The following KHSRP variants were observed in gnomAD, a reference collection of about 807,000 sequenced individuals.
KHSRP encodes KH-type splicing regulatory protein, also known as far upstream element-binding protein 2.
In KHSRP, 13 loss-of-function variants were observed where a neutral mutation model predicts 94.9. That is an observed-to-expected ratio of 0.14 (90% confidence interval 0.09 to 0.22). The LOEUF (loss-of-function observed/expected upper bound fraction) is 0.22. KHSRP is among the 10% of genes least tolerant of loss of function. The probability of loss-of-function intolerance (pLI) is 1.00; values close to 1 mark genes in which losing one functional copy is unlikely to be tolerated. For synonymous variants in KHSRP, 495 were observed against 401.4 expected, an observed-to-expected ratio of 1.23 and a Z score of -2.79; for missense variants, 710 against 1,010.0, an observed-to-expected ratio of 0.70 and a Z score of 4.03.
At chr19:6,416,197 C>A in intron 15 of KHSRP, 101 bp downstream of exon 15, 1 of 964,780 alleles carries the variant, frequency 1.0e-6, no homozygotes, top group Non-Finnish European at 1.5e-6. Context: ...GGATGAGGCC[C>A]CCCGCCTGCA....
intron 12 of KHSRP, 37 bp downstream of exon 12, chr19:6,416,950 G>GT: frequency 1.9e-6 from 3 of 1,613,368 alleles, no homozygotes; most frequent in Non-Finnish European, 2.5e-6. Context: ...CTCCCCTGGA[G>GT]GCCCTGCCAG....
intron 2 of KHSRP, 99 bp downstream of exon 2, chr19:6,422,241 A>G (rs2145124506): frequency 1.3e-6 from 1 of 752,846 alleles, no homozygotes; most frequent in Non-Finnish European, 2.3e-6. Flanking sequence ...AAGACCAAAC[A>G]ACAGTGACAC....
rs749368002 is a variant in KHSRP, at chr19:6,419,259, G to A, written c.549C>T (p.Asp183=). The A allele has an allele frequency of 1.9e-6, 3 of 1,575,016 alleles. No homozygotes were observed. In the South Asian group the frequency reaches 3.5e-5, roughly 18 times the overall value. ...CACTGCGCTCGGGTAGGCCACCGCTGTCTGAAAAGAGGAGATAGAGTCAGT... is the reference window on the plus strand; with the variant it reads ...CACTGCGCTCGGGTAGGCCACCGCTATCTGAAAAGAGGAGATAGAGTCAGT... ...DSGCKVQISP[D]SGGLPERSVS... Residue 183 remains aspartate, a splice_region_variant and synonymous_variant, in exon 7 of 19, where the codon GAC becomes GAT. Coordinates refer to ENST00000600480, the MANE Select transcript of KHSRP (RefSeq NM_001366299.1).
chr19:6,417,930 C>A, intron 10 of KHSRP, 51 bp downstream of exon 10: 3 of 1,604,550 alleles, frequency 1.9e-6, no homozygotes, highest in Middle Eastern at 1.7e-4. Flanking sequence ...CACCCCGGCC[C>A]CTCCCTCCAC....
intron 4 of KHSRP, 66 bp from the exon 5 acceptor site, chr19:6,420,537 G>T (rs536688350): frequency 6.7e-7 from 1 of 1,501,718 alleles, no homozygotes. Flanking sequence ...GCTCTGGAAG[G>T]TCTACTTGAA....
At chr19:6,417,914 G>A (rs1198312412) in intron 10 of KHSRP, 67 bp downstream of exon 10, 13 of 1,602,942 alleles carry the variant, frequency 8.1e-6, no homozygotes, top group Non-Finnish European at 1.0e-5. Context: ...GCCACAAGGA[G>A]CCACTCACCC....
In KHSRP at chr19:6,417,026, G is replaced by A. The variant is rs372826447; in HGVS notation, c.1143C>T (p.His381=). The part of the protein sequence containing the change: ...HIMGPPDRCE[H]AARIINDLLQ... ...GGAGGTCGTTGATGATCCGGGCTGCGTGCTCGCACCTGTCTGGGGGCCCCA... is the reference window on the plus strand; with the variant it reads ...GGAGGTCGTTGATGATCCGGGCTGCATGCTCGCACCTGTCTGGGGGCCCCA... The change falls in exon 12 of 19, where the codon CAC becomes CAT. Residue 381 remains histidine (H), a synonymous_variant. Transcript: ENST00000600480. 4.7e-5 allele frequency: 76 copies of A among 1,613,594 alleles called. No individual in the cohort carries two copies. The highest frequency in any genetic ancestry group is 6.7e-5 in the Admixed American group (4 of 59,996).
In KHSRP at chr19:6,421,657, C is replaced by T. The variant is rs2092195659; in HGVS notation, c.378G>A (p.Gln126=). The change falls in exon 3 of 19, where the codon CAG becomes CAA. Residue 126 remains glutamine (Q), a synonymous_variant. Transcript: ENST00000600480. ...DQPESKKLAS[Q]GDSISSQLGP... ...CAGACCCCCTGGACTTACAGTCTCC[C>T]TGGGAAGCCAGCTTCTTGCTCTCCG... The T allele has an allele frequency of 1.2e-6, 2 of 1,613,908 alleles. No homozygotes were observed. The highest frequency in any genetic ancestry group is 2.7e-5 in the African/African-American group (2 of 75,036).
chr19:6,413,305 G>A lies in KHSRP; in HGVS notation c.*1719C>T, dbSNP rs2092113115. On this transcript the variant is annotated 3_prime_UTR_variant, in exon 19 of 19. Coordinates refer to ENST00000600480, the MANE Select transcript of KHSRP (RefSeq NM_001366299.1). Reference sequence around the variant, plus strand: ...CAAACATCCGCTTCAAAACTACAGGGAGGGAAGGAAAGGGGGGGAGACAGA... The same window carrying A: ...CAAACATCCGCTTCAAAACTACAGGAAGGGAAGGAAAGGGGGGGAGACAGA... The A allele has an allele frequency of 1.2e-5, 3 of 257,270 alleles. No individual in the cohort carries two copies. The highest frequency in any genetic ancestry group is 2.3e-5 in the African/African-American group (1 of 42,812). The allele number at this position is 257,270 out of a possible 1,614,324, so 15.9% of individuals were successfully genotyped here.
rs1331242271 is a variant in KHSRP, at chr19:6,414,399, G to GCTGCCCTGTCTC, written c.*613_*624dup. 3.9e-5 allele frequency: 50 copies of GCTGCCCTGTCTC among 1,298,144 alleles called. No homozygotes were observed. The highest frequency in any genetic ancestry group is 4.5e-5 in the Non-Finnish European group (46 of 1,022,376). The allele number at this position is 1,298,144 out of a possible 1,614,324, so 80.4% of individuals were successfully genotyped here. Reference sequence around the variant, plus strand: ...GCGGAGGCGCTAGGGTCGTAGGGGAGCTGCCCTGTCTCCGGAGGGCGGTGG... The same window carrying GCTGCCCTGTCTC: ...GCGGAGGCGCTAGGGTCGTAGGGGAGCTGCCCTGTCTCCTGCCCTGTCTCCGGAGGGCGGTGG... On this transcript the variant is annotated 3_prime_UTR_variant, in exon 19 of 19. Coordinates refer to ENST00000600480, the MANE Select transcript of KHSRP (RefSeq NM_001366299.1).
chr19:6,421,388 G>T, intron 3 of KHSRP, 71 bp from the exon 4 acceptor site: 2 of 1,485,856 alleles, frequency 1.3e-6, no homozygotes, highest in South Asian at 1.2e-5. Context: ...CCTGCCCCGG[G>T]TCAGTGGGAG....
At chr19:6,419,377 T>G (rs1371712493) in intron 6 of KHSRP, 117 bp from the exon 7 acceptor site, 1 of 876,444 alleles carries the variant, frequency 1.1e-6, no homozygotes, top group African/African-American at 1.7e-5. Context: ...ATTCAGTGCC[T>G]GACAGATCAG....
In KHSRP at chr19:6,414,235, C is replaced by A; in HGVS notation, c.*789G>T. On this transcript the variant is annotated 3_prime_UTR_variant, in exon 19 of 19. Coordinates refer to ENST00000600480, the MANE Select transcript of KHSRP (RefSeq NM_001366299.1). ...GTGGGGGGGGCCAGGAAGCCCCCTC[C>A]CAAACCTGCGCTGGCTCAGGCTGGA... 1 of 1,512,934 alleles carries A rather than the reference C, an allele frequency of 6.6e-7. No homozygotes were observed. The highest frequency in any genetic ancestry group is 1.4e-5 in the African/African-American group (1 of 71,128). The allele number at this position is 1,512,934 out of a possible 1,614,324, so 93.7% of individuals were successfully genotyped here. A position where few individuals can be genotyped will look rare whatever the true frequency, so the allele number is the denominator to read the frequency against.
intron 5 of KHSRP, 107 bp downstream of exon 5, chr19:6,420,315 G>C: frequency 8.3e-7 from 1 of 1,199,290 alleles, no homozygotes; most frequent in Non-Finnish European, 1.2e-6. Context: ...AATGAGAACA[G>C]CACATAGGAG....
chr19:6,414,030 AAAC>A lies in KHSRP; in HGVS notation c.*991_*993del. The A allele has an allele frequency of 2.7e-6, 4 of 1,495,200 alleles. No individual in the cohort carries two copies. The highest frequency in any genetic ancestry group is 3.6e-6 in the Non-Finnish European group (4 of 1,116,622). The allele number at this position is 1,495,200 out of a possible 1,614,324, so 92.6% of individuals were successfully genotyped here. A position where few individuals can be genotyped will look rare whatever the true frequency, so the allele number is the denominator to read the frequency against. On this transcript the variant is annotated 3_prime_UTR_variant, in exon 19 of 19. Coordinates refer to ENST00000600480, the MANE Select transcript of KHSRP (RefSeq NM_001366299.1). Reference sequence around the variant, plus strand: ...CCACGGCAGCCATCGCTCTCTCGCCAAACAAAACAGAAGCCCCCAAACAGAACA... The same window carrying A: ...CCACGGCAGCCATCGCTCTCTCGCCAAAAACAGAAGCCCCCAAACAGAACA...
In KHSRP at chr19:6,417,975, A is replaced by G. The variant is rs2092164263; in HGVS notation, c.978+6T>C. On this transcript the variant is annotated splice_donor_region_variant and intron_variant, in intron 10 of 18. Coordinates refer to ENST00000600480, the MANE Select transcript of KHSRP (RefSeq NM_001366299.1). ...AGAGGGGGGTGAAGGCAGGGCCCACACTCACATCGATGCCTCCGCCAATCC... is the reference window on the plus strand; with the variant it reads ...AGAGGGGGGTGAAGGCAGGGCCCACGCTCACATCGATGCCTCCGCCAATCC... 6.2e-7 allele frequency: 1 copy of G among 1,613,030 alleles called. No individual in the cohort carries two copies.
In KHSRP at chr19:6,415,643, G is replaced by A. The variant is rs1182134317; in HGVS notation, c.1779C>T (p.Gly593=). ...YYQQPPGPVP[G]PAPAPAAPPA... ...GTGGGGCCGCAGGGGCCGGTGCGGG[G>A]CCGGGGACGGGGCCCGGGGGCTGCT... The change falls in exon 17 of 19, where the codon GGC becomes GGT. Residue 593 remains glycine, a synonymous_variant. Coordinates refer to ENST00000600480, the MANE Select transcript of KHSRP (RefSeq NM_001366299.1). 1 of 1,534,844 alleles carries A rather than the reference G, an allele frequency of 6.5e-7. No homozygotes were observed.
rs772115437 is a variant in KHSRP at position 6,414,271 on chromosome 19, T to C, written c.*753A>G. ...CTGGCTCAGGCTGGAAGGACGTGCT[T>C]GTTAACTGTCTAGCCAGGTGCTCGC... On this transcript the variant is annotated 3_prime_UTR_variant, in exon 19 of 19. Coordinates refer to ENST00000600480, the MANE Select transcript of KHSRP (RefSeq NM_001366299.1). 2.4e-5 allele frequency: 35 copies of C among 1,450,774 alleles called. No homozygotes were observed. In the African/African-American group the frequency reaches 4.2e-4, roughly 17 times the overall value. 89.9% of individuals were successfully genotyped at this position (1,450,774 alleles called of 1,614,324 possible).
At position 6,420,996 on chromosome 19, in the gene KHSRP, T is replaced by C. The variant is rs190391265; in HGVS notation, c.425+282A>G. 6 of 477,954 alleles carry C rather than the reference T, an allele frequency of 1.3e-5. No individual in the cohort carries two copies. In the Admixed American group the frequency reaches 2.2e-4, roughly 18 times the overall value. 29.6% of individuals were successfully genotyped at this position (477,954 alleles called of 1,614,324 possible). A position where few individuals can be genotyped will look rare whatever the true frequency, so the allele number is the denominator to read the frequency against. The stretch of plus-strand genomic sequence containing the variant: ...TCTTCCAGGAAGACGACATTTGTGC[T>C]GCTCAGAGTCCCCACCCCAGCGGAG... On this transcript the variant is annotated intron_variant, in intron 4 of 18. Transcript: ENST00000600480.
Sources: gnomAD v4.1 joint callset for allele counts on GRCh38, gnomAD v4.1.1 for gene constraint, MANE v1.5 for transcripts, NCBI Gene and HGNC (gene_info 2026-07-23, HGNC 2026-07-21) for gene names.